The following IL1RAPL1 variants were observed in gnomAD, a reference collection of about 807,000 sequenced individuals.
IL1RAPL1 encodes interleukin-1 receptor accessory protein-like 1.
IL1RAPL1 carries 3 observed loss-of-function variants against 48.4 expected under a neutral mutation model. The ratio of observed to expected loss-of-function variants is 0.06; its 90% confidence interval spans 0.03 to 0.16. The LOEUF (loss-of-function observed/expected upper bound fraction) is 0.16. IL1RAPL1 is among the 10% of genes least tolerant of loss of function. The pLI is 1.00. For missense variants in IL1RAPL1, 349 were observed against 530.6 expected, an observed-to-expected ratio of 0.66 and a Z score of 3.36; for synonymous variants, 185 against 187.7, an observed-to-expected ratio of 0.99 and a Z score of 0.12.
chrX:29,744,837 C>G (rs1219378247), intron 6 of IL1RAPL1, among the ~76,000 whole-genome samples: 1 of 111,893 alleles, frequency 8.9e-6, no homozygotes, highest in African/African-American at 3.2e-5. Flanking sequence ...ATGAGGAATA[C>G]AATGGTCATT....
chrX:28,954,266 A>C (rs1256491654), intron 2 of IL1RAPL1, among the ~76,000 whole-genome samples: 1 of 111,510 alleles, frequency 9.0e-6, no homozygotes, highest in African/African-American at 3.2e-5. Flanking sequence ...AGCGTCTTCA[A>C]TGTTACAAGA....
At chrX:29,019,890 A>G (rs1468991525) in intron 2 of IL1RAPL1, among the ~76,000 whole-genome samples, 1 of 112,384 alleles carries the variant, frequency 8.9e-6, no homozygotes, top group Non-Finnish European at 1.9e-5. Context: ...CTTATCAGAG[A>G]TGCTGACATA....
At chrX:28,914,133 G>C (rs1239047095) in intron 2 of IL1RAPL1, among the ~76,000 whole-genome samples, 2 of 110,928 alleles carry the variant, frequency 1.8e-5, no homozygotes, top group Non-Finnish European at 3.8e-5. Context: ...TATGTGCTAA[G>C]TGAAGACCTA....
chrX:29,294,048 A>T (rs1049085843), intron 3 of IL1RAPL1, among the ~76,000 whole-genome samples: 2 of 110,272 alleles, frequency 1.8e-5, no homozygotes, highest in African/African-American at 6.6e-5. Flanking sequence ...AAAAAAAAAA[A>T]AATAAATGAA....
intron 3 of IL1RAPL1, among the ~76,000 whole-genome samples, chrX:29,326,837 C>A (rs1375554462): frequency 8.9e-6 from 1 of 111,994 alleles, no homozygotes; most frequent in Non-Finnish European, 1.9e-5. Context: ...GGAATCTATA[C>A]CAATTTTGCA....
intron 1 of IL1RAPL1, among the ~76,000 whole-genome samples, chrX:28,723,768 T>C (rs1446188307): frequency 8.9e-6 from 1 of 111,996 alleles, no homozygotes; most frequent in African/African-American, 3.3e-5. Flanking sequence ...GCTTTAAATG[T>C]GTCCCAGAGA....
chrX:29,210,075 G>A (rs1325945425), intron 2 of IL1RAPL1, among the ~76,000 whole-genome samples: 1 of 112,152 alleles, frequency 8.9e-6, no homozygotes, highest in Non-Finnish European at 1.9e-5. Flanking sequence ...TGTGTTTTGT[G>A]AGGTATAACT....
At chrX:29,686,639 G>A (rs1601778936) in intron 6 of IL1RAPL1, among the ~76,000 whole-genome samples, 1 of 108,441 alleles carries the variant, frequency 9.2e-6, no homozygotes, top group African/African-American at 3.4e-5. Context: ...CTCACTGCAA[G>A]CTCCGCCTCC....
chrX:28,711,368 G>C (rs1323332408), intron 1 of IL1RAPL1, among the ~76,000 whole-genome samples: 1 of 111,743 alleles, frequency 8.9e-6, no homozygotes, highest in Admixed American at 9.6e-5. Context: ...GCACAGATTT[G>C]GAGGAAAAAC....
At chrX:29,869,819 G>C (rs770172444) in intron 6 of IL1RAPL1, among the ~76,000 whole-genome samples, 1 of 109,255 alleles carries the variant, frequency 9.2e-6, no homozygotes, top group East Asian at 2.9e-4. Context: ...AATTAAGGTG[G>C]AGGATGATGG....
At chrX:29,381,826 AAAAAAAAATATATATAT>A (rs1187541347) in intron 3 of IL1RAPL1, among the ~76,000 whole-genome samples, 63 of 84,686 alleles carry the variant, frequency 7.4e-4, no homozygotes, top group Non-Finnish European at 9.4e-4. Context: ...AAAAAAAAAA[AAAAAAAAATATATATAT>A]ATATATATAT....
chrX:29,912,741 T>C, intron 6 of IL1RAPL1, among the ~76,000 whole-genome samples: 1 of 112,330 alleles, frequency 8.9e-6, no homozygotes, highest in South Asian at 3.7e-4. Context: ...GGAATATGAA[T>C]GGGTGACTCC....
At chrX:29,461,758 C>T (rs1934805823) in intron 5 of IL1RAPL1, among the ~76,000 whole-genome samples, 1 of 112,091 alleles carries the variant, frequency 8.9e-6, no homozygotes, top group Non-Finnish European at 1.9e-5. Context: ...AGAATCCAGA[C>T]ACAAAAGTGT....
At chrX:28,739,389 G>A (rs981209554) in intron 1 of IL1RAPL1, among the ~76,000 whole-genome samples, 1 of 111,399 alleles carries the variant, frequency 9.0e-6, no homozygotes, top group Non-Finnish European at 1.9e-5. Flanking sequence ...CAGTGATCTC[G>A]CTGTCTTTAC....
intron 1 of IL1RAPL1, among the ~76,000 whole-genome samples, chrX:28,750,551 A>T (rs1182554687): frequency 2.7e-5 from 3 of 111,706 alleles, no homozygotes; most frequent in Non-Finnish European, 3.8e-5. Flanking sequence ...TTATATTTAT[A>T]TCATATTTGG....
intron 3 of IL1RAPL1, among the ~76,000 whole-genome samples, chrX:29,356,363 T>A (rs769892257): frequency 9.0e-6 from 1 of 110,731 alleles, no homozygotes; most frequent in South Asian, 3.8e-4. Flanking sequence ...TTTGTAAAAT[T>A]TGTGTTGTTG....
chrX:29,894,319 C>A (rs1218581342), intron 6 of IL1RAPL1, among the ~76,000 whole-genome samples: 1 of 111,858 alleles, frequency 8.9e-6, no homozygotes, highest in Non-Finnish European at 1.9e-5. Context: ...ATGAGATGAC[C>A]AGTGGTTTTA....
At chrX:29,189,880 C>G (rs1201452164) in intron 2 of IL1RAPL1, among the ~76,000 whole-genome samples, 1 of 111,351 alleles carries the variant, frequency 9.0e-6, no homozygotes, top group African/African-American at 3.3e-5. Flanking sequence ...ATAATATAAT[C>G]CAGTTATGGG....
intron 1 of IL1RAPL1, among the ~76,000 whole-genome samples, chrX:28,726,141 A>G (rs1247258574): frequency 8.9e-6 from 1 of 112,089 alleles, no homozygotes; most frequent in Non-Finnish European, 1.9e-5. Context: ...GAACTTAAAA[A>G]GACAGTTTTG....
Sources: allele counts gnomAD v4.1 joint callset (sites outside exome capture counted in the v4.1 genomes callset), GRCh38; gene constraint gnomAD v4.1.1; transcripts MANE v1.5; gene names NCBI Gene and HGNC (gene_info 2026-07-23, HGNC 2026-07-21).